Variants in CYP17A1 observed in about 807,000 individuals in gnomAD.
CYP17A1 encodes the protein steroid 17-alpha-hydroxylase/17,20 lyase.
Under a neutral mutation model 38.5 loss-of-function variants are expected in CYP17A1, and 27 were observed. The observed-to-expected ratio is 0.70, with a 90% CI of 0.52 to 0.97. The LOEUF (loss-of-function observed/expected upper bound fraction) is 0.97. Among genes scored for constraint, CYP17A1 ranks in the 50% least tolerant of loss-of-function variants. The pLI, the probability that CYP17A1 is intolerant of heterozygous loss-of-function variation, is 0.00. For missense variants in CYP17A1, 549 were observed against 645.9 expected, an observed-to-expected ratio of 0.85 and a Z score of 1.63; for synonymous variants, 263 against 253.3, an observed-to-expected ratio of 1.04 and a Z score of -0.36.
intron 5 of CYP17A1, 122 bp downstream of exon 5, chr10:102,832,871 G>T: frequency 1.3e-6 from 2 of 1,530,104 alleles, no homozygotes; most frequent in South Asian, 1.2e-5. Context: ...CTACTGCTTG[G>T]GTAAGGAGCA....
Position 102,837,173 on chromosome 10 carries a change from G to T in CYP17A1, c.189C>A (p.Ile63=). Residue 63 remains isoleucine (I), a synonymous_variant, in exon 1 of 8, where the codon ATC becomes ATA. Coordinates refer to ENST00000369887, the MANE Select transcript of CYP17A1 (RefSeq NM_000102.4). ...FFKLQKKYGP[I]YSVRMGTKTT... ...TCTTGGTGCCCATACGAACCGAATA[G>T]ATGGGGCCATATTTTTTCTGCAGCT... 6.3e-7 allele frequency: 1 copy of T among 1,595,980 alleles called. No individual in the cohort carries two copies. Among genetic ancestry groups the T allele is most frequent in the Non-Finnish European group, 8.6e-7 (1 of 1,163,396 alleles).
intron 4 of CYP17A1, 94 bp from the exon 5 acceptor site, chr10:102,833,302 C>T: frequency 6.2e-7 from 1 of 1,601,280 alleles, no homozygotes; most frequent in Non-Finnish European, 8.5e-7. Flanking sequence ...GATAACAAGG[C>T]TCCTTCCACT....
intron 5 of CYP17A1, 153 bp from the exon 6 acceptor site, chr10:102,832,833 G>T: frequency 1.4e-6 from 2 of 1,438,852 alleles, no homozygotes; most frequent in East Asian, 2.4e-5. Flanking sequence ...CAGAAGATGG[G>T]GCAGCTCTAC....
intron 6 of CYP17A1, 102 bp from the exon 7 acceptor site, chr10:102,831,713 T>G: frequency 6.4e-7 from 1 of 1,553,510 alleles, no homozygotes; most frequent in Non-Finnish European, 8.7e-7. Flanking sequence ...AAAATGCCCT[T>G]TACTCCCTCA....
chr10:102,836,434 C>G (rs148773781), intron 1 of CYP17A1, among the ~76,000 whole-genome samples: 6 of 122,512 alleles, frequency 4.9e-5, no homozygotes, highest in African/African-American at 1.9e-4. Flanking sequence ...CCAGGCTGGG[C>G]GACAGAGAGA....
rs779930218 is a variant in CYP17A1, at chr10:102,835,238, C to A, written c.436+16G>T. On this transcript the variant is annotated intron_variant, in intron 2 of 7. Coordinates refer to ENST00000369887, the MANE Select transcript of CYP17A1 (RefSeq NM_000102.4). Reference sequence around the variant, plus strand: ...TGGGATCCAGCCCCAGCCCCAGGGGCCAGCCTGGCACTCACTGATCTTCTC... The same window carrying A: ...TGGGATCCAGCCCCAGCCCCAGGGGACAGCCTGGCACTCACTGATCTTCTC... The A allele has an allele frequency of 8.1e-6, 13 of 1,609,248 alleles. No homozygotes were observed. The highest frequency in any genetic ancestry group is 5.1e-6 in the Non-Finnish European group (6 of 1,175,958).
chr10:102,832,533 G>T lies in CYP17A1; in HGVS notation c.1117C>A (p.His373Asn), dbSNP rs1423560123. The T allele has an allele frequency of 2.5e-6, 4 of 1,610,610 alleles. No homozygotes were observed. Among genetic ancestry groups the T allele is most frequent in the South Asian group, 1.1e-5 (1 of 91,008 alleles). The change falls in exon 6 of 8, where the codon CAC becomes AAC. Residue 373 changes from histidine to asparagine, a missense_variant. His to Asn is a moderately conservative substitution (Grantham distance 68). Coordinates refer to ENST00000369887, the MANE Select transcript of CYP17A1 (RefSeq NM_000102.4). Reference sequence around the variant, plus strand: ...CACCTGGAGTCAACGTTGGCCTTGTGGGGGATGAGCATAGGGGCCACGGGC... The same window carrying T: ...CACCTGGAGTCAACGTTGGCCTTGTTGGGGATGAGCATAGGGGCCACGGGC... ...LRPVAPMLIP[H>N]KANVDSSIGE...
At position 102,831,037 on chromosome 10, in the gene CYP17A1, G is replaced by A. The variant is rs56755516; in HGVS notation, c.1244-52C>T. The A allele has an allele frequency of 7.2e-4, 888 of 1,226,992 alleles. 10 individuals are homozygous for A. In the East Asian group the frequency reaches 0.018, roughly 25 times the overall value. 76.0% of individuals were successfully genotyped at this position (1,226,992 alleles called of 1,614,324 possible). A position where few individuals can be genotyped will look rare whatever the true frequency, so the allele number is the denominator to read the frequency against. On this transcript the variant is annotated intron_variant, in intron 7 of 7. Coordinates refer to ENST00000369887, the MANE Select transcript of CYP17A1 (RefSeq NM_000102.4). ...GGGGTTAGGGCAGGAGGGAGGAGAG[G>A]CATGGTTCTGCCCTGGTTGAGGGGG...
intron 2 of CYP17A1, 87 bp downstream of exon 2, chr10:102,835,167 T>C (rs1844144068): frequency 7.6e-7 from 1 of 1,309,744 alleles, no homozygotes; most frequent in Non-Finnish European, 1.1e-6. Context: ...GCTCTAGTCC[T>C]AACCCTTACC....
chr10:102,836,392 G>A (rs1321133448), intron 1 of CYP17A1, among the ~76,000 whole-genome samples: 1 of 149,502 alleles, frequency 6.7e-6, no homozygotes, highest in East Asian at 2.0e-4. Context: ...GGGAGGCAGA[G>A]GTTGCAGTGA....
chr10:102,835,066 C>G, intron 2 of CYP17A1, 52 bp from the exon 3 acceptor site: 7 of 1,218,518 alleles, frequency 5.7e-6, no homozygotes, highest in Non-Finnish European at 8.4e-6. Flanking sequence ...CCCTTACCCC[C>G]TCTCTGTACC....
At position 102,831,624 on chromosome 10, in the gene CYP17A1, G is replaced by A. The variant is rs45503396; in HGVS notation, c.1140-13C>T. 28 of 1,613,110 alleles carry A rather than the reference G, an allele frequency of 1.7e-5. No homozygotes were observed. The highest frequency in any genetic ancestry group is 2.3e-5 in the Non-Finnish European group (27 of 1,179,982). On this transcript the variant is annotated splice_polypyrimidine_tract_variant and intron_variant, in intron 6 of 7. Transcript: ENST00000369887. ...AAACTCACCGATGCTGCTCCAGAGT[G>A]GAAGAGGAAAAGTGGGTCTGGGACT...
chr10:102,834,449 C>A lies in CYP17A1; in HGVS notation c.667-327G>T, dbSNP rs45512796. Reference sequence around the variant, plus strand: ...GGCTCAGACAAGCTCCTTAACCCCGCTAAGCCTGCTTCTCACCTGCACAAT... The same window carrying A: ...GGCTCAGACAAGCTCCTTAACCCCGATAAGCCTGCTTCTCACCTGCACAAT... On this transcript the variant is annotated intron_variant, in intron 3 of 7. Transcript: ENST00000369887. 1,172 of 552,068 alleles carry A rather than the reference C, an allele frequency of 2.1e-3. 10 individuals carry two copies. The highest frequency in any genetic ancestry group is 0.02 in the African/African-American group (1,050 of 52,924). 34.2% of individuals were successfully genotyped at this position (552,068 alleles called of 1,614,324 possible).
At chr10:102,833,713 C>G (rs1361500057) in intron 4 of CYP17A1, 1 of 301,782 alleles carries the variant, frequency 3.3e-6, no homozygotes, top group Non-Finnish European at 6.3e-6. Context: ...ACCTTGGCCT[C>G]CCAAAATGTT....
chr10:102,832,787 T>G lies in CYP17A1; in HGVS notation c.970-107A>C, dbSNP rs1844108530. ...CATCGAGAAGAGCCTGTCCAGTCCC[T>G]TCCCAGTAGTGGCTCTGGGGCCCAG... On this transcript the variant is annotated intron_variant, in intron 5 of 7. Coordinates refer to ENST00000369887, the MANE Select transcript of CYP17A1 (RefSeq NM_000102.4). 16 of 1,282,072 alleles carry G rather than the reference T, an allele frequency of 1.2e-5. No homozygotes were observed. The East Asian group carries it at 3.7e-4, about 30-fold the overall frequency. 79.4% of individuals were successfully genotyped at this position (1,282,072 alleles called of 1,614,324 possible).
intron 1 of CYP17A1, chr10:102,835,667 G>A (rs1347343416): frequency 1.1e-5 from 5 of 470,098 alleles, no homozygotes; most frequent in African/African-American, 2.0e-5. Flanking sequence ...GGTTCTTTTC[G>A]CTGACAGGGT....
chr10:102,834,193 T>C (rs1844128177), intron 3 of CYP17A1, 71 bp from the exon 4 acceptor site: 8 of 790,492 alleles, frequency 1.0e-5, no homozygotes, highest in Non-Finnish European at 1.8e-5. Flanking sequence ...GAGTCTCTCC[T>C]GGAGGCGGAT....
chr10:102,835,446 C>G (rs1001724526), intron 1 of CYP17A1, 54 bp from the exon 2 acceptor site: 1 of 1,478,002 alleles, frequency 6.8e-7, no homozygotes, highest in Middle Eastern at 1.7e-4. Flanking sequence ...CCCACTCTTG[C>G]CCTTACACCT....
Position 102,830,747 on chromosome 10 carries a change from C to T in CYP17A1, c.1482G>A (p.Lys494=), listed in dbSNP as rs751880345. ...GGGCTTCCCTCCAGGCCTGGCGCACCTTGATCTTCACTTTGAAAGAGTCGA... is the reference window on the plus strand; with the variant it reads ...GGGCTTCCCTCCAGGCCTGGCGCACTTTGATCTTCACTTTGAAAGAGTCGA... ...FLIDSFKVKI[K]VRQAWREAQA... The change falls in exon 8 of 8, where the codon AAG becomes AAA. Residue 494 remains lysine, a synonymous_variant. Transcript: ENST00000369887. This position sits in a 1 kb window ranked among gnomAD's most constrained non-coding sequence, Gnocchi z 4.1. 1 of 1,603,922 alleles carries T rather than the reference C, an allele frequency of 6.2e-7. No individual in the cohort carries two copies. Among genetic ancestry groups the T allele is most frequent in the Non-Finnish European group, 8.5e-7 (1 of 1,172,522 alleles).
Sources: allele counts gnomAD v4.1 joint callset (sites outside exome capture counted in the v4.1 genomes callset), GRCh38; gene constraint gnomAD v4.1.1; non-coding constraint Gnocchi (gnomAD v3.1); transcripts MANE v1.5; gene names NCBI Gene and HGNC (gene_info 2026-07-23, HGNC 2026-07-21).